DYNC2I1: variants seen among roughly 807,000 people sequenced by gnomAD.
DYNC2I1 encodes the protein cytoplasmic dynein 2 intermediate chain 1.
In DYNC2I1, 89 loss-of-function variants were observed where a neutral mutation model predicts 133.4. That is an observed-to-expected ratio of 0.67 (90% CI 0.56 to 0.80). The LOEUF is 0.80. DYNC2I1 is among the 30% of genes least tolerant of loss of function. The probability of loss-of-function intolerance (pLI) is 0.00; values close to 1 mark genes in which losing one functional copy is unlikely to be tolerated. For missense variants in DYNC2I1, 1,291 were observed against 1,314.5 expected (o/e 0.98, Z 0.28); for synonymous variants, 504 against 484.3 (o/e 1.04, Z -0.54).
At chr7:158,888,829 A>G (rs1399744400) in intron 7 of DYNC2I1, among the ~76,000 whole-genome samples, 1 of 152,154 alleles carries the variant, frequency 6.6e-6, no homozygotes, top group African/African-American at 2.4e-5. Flanking sequence ...ATAATTTTAC[A>G]TAAATTAGGT....
In DYNC2I1 at chr7:158,911,268, C is replaced by G. The variant is rs376891078; in HGVS notation, c.1461-282C>G. Among the ~76,000 whole-genome samples the G allele has an allele frequency of 6.6e-5, 10 of 152,306 alleles. No individual in the cohort carries two copies. In the South Asian group the frequency reaches 2.1e-3, roughly 32 times the overall value. On this transcript the variant is annotated intron_variant, in intron 11 of 24. Transcript: ENST00000407559. ...TGTGTGACTTGATTTTGTGTTAGCTCAGGCATACGCATTAGAACGGTCACA... is the reference window on the plus strand; with the variant it reads ...TGTGTGACTTGATTTTGTGTTAGCTGAGGCATACGCATTAGAACGGTCACA...
At chr7:158,931,238 A>G (rs1850184151) in intron 21 of DYNC2I1, among the ~76,000 whole-genome samples, 1 of 152,136 alleles carries the variant, frequency 6.6e-6, no homozygotes, top group Non-Finnish European at 1.5e-5. Context: ...TATTTGTGGT[A>G]TTTATATGTT....
At chr7:158,900,419 G>A (rs1019196078) in intron 8 of DYNC2I1, among the ~76,000 whole-genome samples, 2 of 152,116 alleles carry the variant, frequency 1.3e-5, no homozygotes, top group Non-Finnish European at 1.5e-5. Flanking sequence ...ACCGCGCCCA[G>A]CCTGTAATTC....
intron 12 of DYNC2I1, among the ~76,000 whole-genome samples, chr7:158,911,984 T>C (rs190113965): frequency 1.3e-5 from 2 of 152,292 alleles, no homozygotes; most frequent in East Asian, 3.9e-4. Context: ...AATGTTTTAT[T>C]TATTTATTTA....
chr7:158,934,923 G>A (rs776585416), intron 23 of DYNC2I1, among the ~76,000 whole-genome samples: 12 of 152,124 alleles, frequency 7.9e-5, no homozygotes, highest in Admixed American at 2.6e-4. Flanking sequence ...TTTATGGGGC[G>A]TCAGTGGTTT....
At chr7:158,953,082 G>C (rs1266328883) in intron 4 of DYNC2I1, among the ~76,000 whole-genome samples, 2 of 152,302 alleles carry the variant, frequency 1.3e-5, no homozygotes, top group East Asian at 3.9e-4. Flanking sequence ...GACAGACCCT[G>C]GTGGGAATTC....
At chr7:158,872,343 A>G (rs1842961542) in intron 3 of DYNC2I1, among the ~76,000 whole-genome samples, 2 of 149,298 alleles carry the variant, frequency 1.3e-5, no homozygotes, top group Admixed American at 6.7e-5. Flanking sequence ...TCTAAAAACC[A>G]TTTAGCCAGC....
the DYNC2I1 span, among the ~76,000 whole-genome samples, chr7:158,849,098 A>G: frequency 9.7e-4 from 148 of 152,322 alleles, no homozygotes; most frequent in African/African-American, 3.3e-3. Context: ...AGATTGACAA[A>G]AGGCCTGAGT....
intron 3 of DYNC2I1, among the ~76,000 whole-genome samples, chr7:158,873,491 T>A (rs1413425574): frequency 6.6e-6 from 1 of 152,206 alleles, no homozygotes; most frequent in Non-Finnish European, 1.5e-5. Flanking sequence ...CTAAGAATGT[T>A]ATCATGTGTA....
the DYNC2I1 span, among the ~76,000 whole-genome samples, chr7:158,843,263 T>A: frequency 6.6e-6 from 1 of 150,524 alleles, no homozygotes; most frequent in Non-Finnish European, 1.5e-5. Context: ...CCCGGCCAGT[T>A]TTTTTTTGTT....
At chr7:158,924,921 A>C (rs1849467174) in intron 17 of DYNC2I1, among the ~76,000 whole-genome samples, 2 of 152,014 alleles carry the variant, frequency 1.3e-5, no homozygotes, top group Non-Finnish European at 2.9e-5. Context: ...GTGCTCGGCT[A>C]ATTTCTGTAT....
the DYNC2I1 span, among the ~76,000 whole-genome samples, chr7:158,842,947 CT>C: frequency 6.6e-6 from 1 of 152,208 alleles, no homozygotes; most frequent in South Asian, 2.1e-4. Flanking sequence ...TCAGATGCTC[CT>C]TAACACAGGA....
At chr7:158,869,790 G>C in intron 1 of DYNC2I1, 65 bp from the exon 2 acceptor site, 2 of 1,272,684 alleles carry the variant, frequency 1.6e-6, no homozygotes, top group Admixed American at 2.2e-5. Flanking sequence ...TAATGAAAAA[G>C]CAGCTCACTA....
chr7:158,930,062 T>C (rs2657365), intron 20 of DYNC2I1, among the ~76,000 whole-genome samples: 1 of 151,930 alleles, frequency 6.6e-6, no homozygotes, highest in Non-Finnish European at 1.5e-5. Context: ...GTCCTGCAAG[T>C]TTCCTGTAGG....
intron 21 of DYNC2I1, among the ~76,000 whole-genome samples, chr7:158,933,288 A>T (rs546561021): frequency 6.6e-6 from 1 of 152,238 alleles, no homozygotes; most frequent in Non-Finnish European, 1.5e-5. Flanking sequence ...TAAATGCCAT[A>T]AACAGGAGAG....
chr7:158,914,087 C>A, intron 13 of DYNC2I1, 146 bp from the exon 14 acceptor site: 2 of 589,702 alleles, frequency 3.4e-6, no homozygotes, highest in South Asian at 2.5e-5. Context: ...AGTAGTAAAT[C>A]TAGAGAGTAT....
intron 14 of DYNC2I1, among the ~76,000 whole-genome samples, chr7:158,915,562 G>A (rs1848057944): frequency 6.6e-6 from 1 of 152,090 alleles, no homozygotes. Context: ...GATTAAGGAT[G>A]ATTGTGAAAC....
chr7:158,875,792 G>A (rs537952147), intron 3 of DYNC2I1, among the ~76,000 whole-genome samples: 2 of 152,290 alleles, frequency 1.3e-5, no homozygotes, highest in South Asian at 4.1e-4. Context: ...CATCCAGGAG[G>A]GCAGGCATTT....
chr7:158,844,207 A>G, the DYNC2I1 span, among the ~76,000 whole-genome samples: 56 of 152,088 alleles, frequency 3.7e-4, no homozygotes, highest in Admixed American at 3.9e-4. Context: ...GGGTCCTGAG[A>G]TTTTCCTTTC....
Sources: allele counts gnomAD v4.1 joint callset (sites outside exome capture counted in the v4.1 genomes callset), GRCh38; gene constraint gnomAD v4.1.1; transcripts MANE v1.5; gene names NCBI Gene and HGNC (gene_info 2026-07-23, HGNC 2026-07-21).